EYS: variants seen among roughly 807,000 people sequenced by gnomAD.
EYS encodes EGF-like photoreceptor maintenance factor, also known as protein eyes shut homolog.
Under a neutral mutation model 282.1 loss-of-function variants are expected in EYS, and 250 were observed. The ratio of observed to expected loss-of-function variants is 0.89; its 90% CI spans 0.80 to 0.98. EYS has a LOEUF of 0.98. EYS is among the 50% of genes least tolerant of loss of function. EYS has a pLI of 0.00. For synonymous variants in EYS, 1,355 were observed against 1,282.9 expected, an observed-to-expected ratio of 1.06 and a Z score of -1.20; for missense variants, 4,016 against 3,709.0, an observed-to-expected ratio of 1.08 and a Z score of -2.15.
intron 10 of EYS, among the ~76,000 whole-genome samples, chr6:65,337,682 T>G (rs563416408): frequency 6.6e-6 from 1 of 151,206 alleles, no homozygotes; most frequent in East Asian, 2.0e-4. Flanking sequence ...CTATATTTTC[T>G]AGCTTATAAG....
At chr6:64,581,639 C>T (rs767653207) in intron 26 of EYS, among the ~76,000 whole-genome samples, 10 of 152,018 alleles carry the variant, frequency 6.6e-5, no homozygotes, top group Non-Finnish European at 1.2e-4. Context: ...ATGGTTCATA[C>T]GTGCATGTTA....
In EYS at chr6:65,697,968, T is replaced by C. The variant is rs184636795; in HGVS notation, c.-448+9167A>G. Among the ~76,000 whole-genome samples the C allele has an allele frequency of 3.3e-5, 5 of 152,232 alleles. No individual in the cohort carries two copies. In the East Asian group the frequency reaches 5.8e-4, roughly 18 times the overall value. ...AATATACAAAGTAACAAATACGACA[T>C]TTATTTCACAAAGAGTGGCTTAAAG... On this transcript the variant is annotated intron_variant, in intron 1 of 42. Transcript: ENST00000503581.
At chr6:65,090,800 CA>C (rs1774536402) in intron 12 of EYS, among the ~76,000 whole-genome samples, 1 of 151,938 alleles carries the variant, frequency 6.6e-6, no homozygotes, top group African/African-American at 2.4e-5. Flanking sequence ...AAGTAATTGA[CA>C]AAGTAATTGT....
At chr6:64,779,526 G>T (rs1773792552) in intron 22 of EYS, among the ~76,000 whole-genome samples, 2 of 152,048 alleles carry the variant, frequency 1.3e-5, no homozygotes. Flanking sequence ...GATTTTTAGG[G>T]CAGTTAAAAT....
intron 33 of EYS, among the ~76,000 whole-genome samples, chr6:64,026,484 A>T (rs569817113): frequency 9.2e-5 from 14 of 152,174 alleles, no homozygotes; most frequent in African/African-American, 3.4e-4. Context: ...CTTGGCCCCA[A>T]TATTCTCTCT....
At chr6:64,559,825 AG>A (rs1329113391) in intron 26 of EYS, among the ~76,000 whole-genome samples, 1 of 152,086 alleles carries the variant, frequency 6.6e-6, no homozygotes, top group Non-Finnish European at 1.5e-5. Context: ...CTCGTGTCAC[AG>A]GGGTTTGTTG....
intron 22 of EYS, among the ~76,000 whole-genome samples, chr6:64,795,338 C>T (rs1210381283): frequency 1.6e-5 from 2 of 124,388 alleles, no homozygotes; most frequent in Admixed American, 9.6e-5. Context: ...ATTGAAGAAA[C>T]GCAAGATGAA....
chr6:63,936,132 G>A, intron 35 of EYS, among the ~76,000 whole-genome samples: 1 of 152,166 alleles, frequency 6.6e-6, no homozygotes. Context: ...TCAGGAATCT[G>A]CTTAGCTCTC....
intron 30 of EYS, among the ~76,000 whole-genome samples, chr6:64,252,708 C>T (rs2150349072): frequency 6.6e-6 from 1 of 152,260 alleles, no homozygotes; most frequent in Non-Finnish European, 1.5e-5. Flanking sequence ...CTTATTTGTA[C>T]TTTAATTCTT....
intron 24 of EYS, among the ~76,000 whole-genome samples, chr6:64,605,432 A>G (rs774197546): frequency 7.9e-4 from 120 of 152,066 alleles, no homozygotes; most frequent in Non-Finnish European, 4.6e-4. Flanking sequence ...AAATCAAGAA[A>G]TTACTCTGTG....
chr6:65,560,504 A>G (rs1446626236), intron 2 of EYS, among the ~76,000 whole-genome samples: 1 of 150,252 alleles, frequency 6.7e-6, no homozygotes, highest in Non-Finnish European at 1.5e-5. Context: ...TTTCACTTCA[A>G]AAATACGTGT....
At chr6:63,975,491 G>A (rs970774787) in intron 35 of EYS, among the ~76,000 whole-genome samples, 14 of 151,992 alleles carry the variant, frequency 9.2e-5, no homozygotes, top group African/African-American at 3.1e-4. Flanking sequence ...GTTGTGATGC[G>A]TTACTTTTTG....
chr6:65,369,053 C>T (rs1351773714), intron 8 of EYS, among the ~76,000 whole-genome samples: 1 of 150,952 alleles, frequency 6.6e-6, no homozygotes, highest in Non-Finnish European at 1.5e-5. Context: ...TGAAGTGGAG[C>T]AAGCTCTCTG....
At position 64,678,661 on chromosome 6, in the gene EYS, T is replaced by C. The variant is rs534730374; in HGVS notation, c.3444-52416A>G. ...ACTTAATACAAGTTGTGTTTATTTGTTTAGTTTGTTTCCAATTTCACAATT... is the reference window on the plus strand; with the variant it reads ...ACTTAATACAAGTTGTGTTTATTTGCTTAGTTTGTTTCCAATTTCACAATT... On this transcript the variant is annotated intron_variant, in intron 22 of 42. Transcript: ENST00000503581. 3.3e-5 allele frequency among the ~76,000 whole-genome samples: 5 copies of C among 152,258 alleles called. No individual in the cohort carries two copies. In the East Asian group the frequency reaches 9.7e-4, roughly 30 times the overall value.
chr6:65,352,848 ATTG>A (rs966405581), intron 9 of EYS, among the ~76,000 whole-genome samples: 10 of 151,846 alleles, frequency 6.6e-5, no homozygotes, highest in African/African-American at 2.2e-4. Context: ...CCTCCATGGA[ATTG>A]TTATTAGTCT....
intron 35 of EYS, among the ~76,000 whole-genome samples, chr6:63,920,363 T>TAGGA (rs1253907285): frequency 1.3e-5 from 2 of 152,068 alleles, no homozygotes; most frequent in African/African-American, 2.4e-5. Context: ...GACCAGAGGG[T>TAGGA]AGGAGGAAAG....
intron 22 of EYS, among the ~76,000 whole-genome samples, chr6:64,633,826 G>A (rs1767876537): frequency 6.6e-6 from 1 of 152,032 alleles, no homozygotes; most frequent in Admixed American, 6.6e-5. Context: ...AAATATAGAA[G>A]GGGATCTTTC....
At chr6:65,457,090 G>A (rs926966444) in intron 5 of EYS, among the ~76,000 whole-genome samples, 14 of 152,138 alleles carry the variant, frequency 9.2e-5, no homozygotes, top group African/African-American at 3.4e-4. Flanking sequence ...CTTAAAGATG[G>A]AAGCAATTAA....
At chr6:65,317,825 C>CCTTCCTTCCTTCCTTTCTTTCTTTCTTT (rs1562092985) in intron 11 of EYS, among the ~76,000 whole-genome samples, 2 of 81,258 alleles carry the variant, frequency 2.5e-5, no homozygotes, top group Non-Finnish European at 5.0e-5. Flanking sequence ...TTCCTTCCTT[C>CCTTCCTTCCTTCCTTTCTTTCTTTCTTT]CTTTCTTTCT....
Sources: allele counts gnomAD v4.1 joint callset (sites outside exome capture counted in the v4.1 genomes callset), GRCh38; gene constraint gnomAD v4.1.1; transcripts MANE v1.5; gene names NCBI Gene and HGNC (gene_info 2026-07-23, HGNC 2026-07-21).